Variants in DAP observed in about 807,000 individuals in gnomAD.
DAP encodes death-associated protein 1.
DAP carries 8 observed loss-of-function variants against 13.8 expected under a neutral mutation model. The ratio of observed to expected loss-of-function variants is 0.58; its 90% CI spans 0.34 to 1.05. DAP has a LOEUF of 1.05. Ranked by LOEUF, DAP falls within the 50% of genes least tolerant of loss-of-function variation. The pLI is 0.03. For missense variants in DAP, 106 were observed against 133.2 expected (o/e 0.80, Z 1.01); for synonymous variants, 47 against 47.5 (o/e 0.99, Z 0.04).
chr5:10,725,293 T>C (rs1199631016), intron 2 of DAP, among the ~76,000 whole-genome samples: 1 of 152,206 alleles, frequency 6.6e-6, no homozygotes, highest in Non-Finnish European at 1.5e-5. Context: ...AAGTCTCCAA[T>C]CGCTAGCCTC....
chr5:10,731,666 T>C (rs1029366926), intron 2 of DAP, among the ~76,000 whole-genome samples: 1 of 152,198 alleles, frequency 6.6e-6, no homozygotes, highest in African/African-American at 2.4e-5. Context: ...AAACCACATA[T>C]CTAAGGCAAT....
chr5:10,748,678 G>A (rs1273512203), intron 1 of DAP, among the ~76,000 whole-genome samples: 1 of 152,166 alleles, frequency 6.6e-6, no homozygotes, highest in Non-Finnish European at 1.5e-5. Flanking sequence ...GTTTTTGATG[G>A]GGTGATATGG....
In DAP at chr5:10,680,990, T is replaced by C; in HGVS notation, c.*66A>G. The C allele has an allele frequency of 6.5e-7, 1 of 1,550,340 alleles. No homozygotes were observed. The highest frequency in any genetic ancestry group is 8.7e-7 in the Non-Finnish European group (1 of 1,147,726). ...AGGATTTGGGCGAAACTGCTGGTTC[T>C]CTCTGTCAGGGAAATACCAAGTGCA... On this transcript the variant is annotated 3_prime_UTR_variant, in exon 4 of 4. Transcript: ENST00000230895.
In DAP at chr5:10,701,431, TC is replaced by T. The variant is rs1401513514; in HGVS notation, c.153-17861del. Among the ~76,000 whole-genome samples the T allele has an allele frequency of 2.0e-5, 3 of 152,194 alleles. No individual in the cohort carries two copies. The East Asian group carries it at 5.8e-4, about 29-fold the overall frequency. On this transcript the variant is annotated intron_variant, in intron 2 of 3. Transcript: ENST00000230895. The stretch of plus-strand genomic sequence containing the variant: ...AATTTGAATATTTTTAAACCCAGCA[TC>T]TTTATGGTTCAGTAACGGGGCTGAG...
intron 2 of DAP, among the ~76,000 whole-genome samples, chr5:10,717,237 T>C (rs962504401): frequency 6.6e-6 from 1 of 152,180 alleles, no homozygotes; most frequent in Non-Finnish European, 1.5e-5. Context: ...TCTGCTAAGA[T>C]TGCCCTGAGT....
At chr5:10,717,807 T>C (rs975003443) in intron 2 of DAP, among the ~76,000 whole-genome samples, 2 of 145,786 alleles carry the variant, frequency 1.4e-5, no homozygotes, top group African/African-American at 5.6e-5. Flanking sequence ...AGTGTAGAGC[T>C]ATGGCATTGG....
At chr5:10,730,330 AG>A (rs1739409393) in intron 2 of DAP, among the ~76,000 whole-genome samples, 1 of 152,256 alleles carries the variant, frequency 6.6e-6, no homozygotes, top group African/African-American at 2.4e-5. Flanking sequence ...AAAACAGCTA[AG>A]GGCTGCTGCT....
At chr5:10,751,559 T>C (rs572146233) in intron 1 of DAP, among the ~76,000 whole-genome samples, 1 of 152,316 alleles carries the variant, frequency 6.6e-6, no homozygotes, top group South Asian at 2.1e-4. Flanking sequence ...CAGAAATTGA[T>C]GAAAGATGCT....
intron 2 of DAP, among the ~76,000 whole-genome samples, chr5:10,746,910 C>G (rs916924212): frequency 1.3e-5 from 2 of 152,178 alleles, no homozygotes; most frequent in African/African-American, 4.8e-5. Flanking sequence ...GGCAACTATC[C>G]ATTTGGAAGC....
intron 2 of DAP, among the ~76,000 whole-genome samples, chr5:10,739,819 ACG>A (rs1554002413): frequency 4.5e-4 from 66 of 145,542 alleles, no homozygotes; most frequent in African/African-American, 1.4e-3. Context: ...ACACACACAC[ACG>A]AATGGGTTTG....
intron 2 of DAP, among the ~76,000 whole-genome samples, chr5:10,705,598 C>A (rs1351392687): frequency 2.0e-5 from 3 of 152,230 alleles, no homozygotes; most frequent in Non-Finnish European, 4.4e-5. Context: ...TGTGTACTAT[C>A]TGGGCGAAAC....
chr5:10,737,119 G>A (rs1434368079), intron 2 of DAP, among the ~76,000 whole-genome samples: 2 of 152,206 alleles, frequency 1.3e-5, no homozygotes, highest in South Asian at 2.1e-4. Flanking sequence ...GCTGAGGCAG[G>A]CGATCACCTG....
intron 2 of DAP, among the ~76,000 whole-genome samples, chr5:10,713,312 G>A (rs934086604): frequency 2.0e-5 from 3 of 152,200 alleles, no homozygotes; most frequent in Non-Finnish European, 4.4e-5. Flanking sequence ...ACCAAGTCTA[G>A]GATCTGTGGC....
At chr5:10,725,810 T>A (rs891188499) in intron 2 of DAP, among the ~76,000 whole-genome samples, 2 of 152,238 alleles carry the variant, frequency 1.3e-5, no homozygotes, top group African/African-American at 4.8e-5. Context: ...CACATCTTAT[T>A]TGTCAGTTAC....
chr5:10,757,906 G>GCC (rs1196894456), intron 1 of DAP, among the ~76,000 whole-genome samples: 2 of 152,170 alleles, frequency 1.3e-5, no homozygotes, highest in Non-Finnish European at 2.9e-5. Context: ...AGAAGACCCA[G>GCC]CCCTGGAAGC....
chr5:10,720,619 G>A (rs995480819), intron 2 of DAP, among the ~76,000 whole-genome samples: 8 of 152,196 alleles, frequency 5.3e-5, no homozygotes, highest in South Asian at 2.1e-4. Flanking sequence ...TGGAGGTTAC[G>A]CATGGGCTCA....
chr5:10,755,698 T>C (rs1447982065), intron 1 of DAP, among the ~76,000 whole-genome samples: 1 of 152,226 alleles, frequency 6.6e-6, no homozygotes, highest in Admixed American at 6.5e-5. Flanking sequence ...CCTAATATAG[T>C]ACTTTATACA....
rs181264104 is a variant in DAP at position 10,701,983 on chromosome 5, G to C, written c.153-18412C>G. Among the ~76,000 whole-genome samples the C allele has an allele frequency of 3.9e-5, 6 of 152,282 alleles. 1 individual carries two copies. Among genetic ancestry groups the C allele is most frequent in the Admixed American group, 3.9e-4 (6 of 15,288 alleles). On this transcript the variant is annotated intron_variant, in intron 2 of 3. Transcript: ENST00000230895. ...CCAGCTGATAAACAGCAACTTCAAG[G>C]CTGGCTCATGTTCTCTTTCCATCAC...
chr5:10,707,167 G>C lies in DAP; in HGVS notation c.153-23596C>G, dbSNP rs1196074714. ...AACTCAACTGGGCATTTACATTTAA[G>C]CCAAGTGCTATGAAGGGGAAGGCCA... On this transcript the variant is annotated intron_variant, in intron 2 of 3. Coordinates refer to ENST00000230895, the MANE Select transcript of DAP (RefSeq NM_004394.3). The surrounding 1 kb of genome is among the most constrained non-coding windows in gnomAD (Gnocchi z 4.0). 6.6e-6 allele frequency among the ~76,000 whole-genome samples: 1 copy of C among 152,196 alleles called. No individual in the cohort carries two copies. Among genetic ancestry groups the C allele is most frequent in the African/African-American group, 2.4e-5 (1 of 41,446 alleles).
Sources: allele counts gnomAD v4.1 joint callset (sites outside exome capture counted in the v4.1 genomes callset), GRCh38; gene constraint gnomAD v4.1.1; non-coding constraint Gnocchi (gnomAD v3.1); transcripts MANE v1.5; gene names NCBI Gene and HGNC (gene_info 2026-07-23, HGNC 2026-07-21).